SVIL: variants seen among roughly 807,000 people sequenced by gnomAD.
SVIL encodes the protein archvillin.
Under a neutral mutation model 240.4 loss-of-function variants are expected in SVIL, and 101 were observed. The ratio of observed to expected loss-of-function variants is 0.42; its 90% CI spans 0.36 to 0.50. The LOEUF is 0.50. SVIL is among the 20% of genes least tolerant of loss of function. SVIL has a pLI of 0.01. For missense variants in SVIL, 2,512 were observed against 2,818.7 expected (o/e 0.89, Z 2.46); for synonymous variants, 999 against 1,100.0 (o/e 0.91, Z 1.82).
intron 10 of SVIL, 121 bp from the exon 11 acceptor site, chr10:29,530,789 T>A (rs1406709534): frequency 2.9e-6 from 3 of 1,049,108 alleles, no homozygotes; most frequent in Admixed American, 2.0e-5. Flanking sequence ...ACTAAAATAA[T>A]AATTGGTGGT....
intron 36 of SVIL, among the ~76,000 whole-genome samples, chr10:29,459,976 A>G (rs1488865934): frequency 1.3e-5 from 2 of 152,194 alleles, no homozygotes; most frequent in East Asian, 1.9e-4. Context: ...CTGTAGTCCT[A>G]CCTACTTGGG....
intron 1 of SVIL, among the ~76,000 whole-genome samples, chr10:29,587,173 C>A (rs1250612257): frequency 6.6e-6 from 1 of 152,242 alleles, no homozygotes; most frequent in Non-Finnish European, 1.5e-5. Context: ...CCTCCCCCTG[C>A]AAACCTCCTG....
chr10:29,618,598 A>G (rs910758010), intron 1 of SVIL, among the ~76,000 whole-genome samples: 1 of 152,188 alleles, frequency 6.6e-6, no homozygotes, highest in Admixed American at 6.5e-5. Flanking sequence ...TGTGACGACT[A>G]TCTAGTTACA....
Position 29,598,851 on chromosome 10 carries a change from G to A in SVIL, c.-200-29539C>T, listed in dbSNP as rs115432461. ...TGTGTAGATGCTGGACTCTGGTTGA[G>A]GAAAGAGTGAAGCGAGAAAGAAAAG... On this transcript the variant is annotated intron_variant, in intron 1 of 37. Coordinates refer to ENST00000355867, the MANE Select transcript of SVIL (RefSeq NM_021738.3). Among the ~76,000 whole-genome samples, 902 of 151,988 alleles carry A rather than the reference G, an allele frequency of 5.9e-3. 12 individuals carry two copies. Among genetic ancestry groups the A allele is most frequent in the African/African-American group, 0.021 (866 of 41,438 alleles).
At chr10:29,467,059 A>G (rs1026120703) in intron 33 of SVIL, among the ~76,000 whole-genome samples, 3 of 152,158 alleles carry the variant, frequency 2.0e-5, no homozygotes, top group Non-Finnish European at 1.5e-5. Flanking sequence ...CGGAGTTACT[A>G]TATGTAAGGT....
chr10:29,545,082 T>C (rs1258024140), intron 6 of SVIL: 2 of 534,432 alleles, frequency 3.7e-6, no homozygotes, highest in Non-Finnish European at 7.7e-6. Context: ...GCGTGGAAGG[T>C]CAAGCACGAT....
intron 1 of SVIL, among the ~76,000 whole-genome samples, chr10:29,585,660 TAC>T (rs3030552): frequency 1.3e-5 from 2 of 151,474 alleles, no homozygotes; most frequent in African/African-American, 2.4e-5. Flanking sequence ...GTGCTAAAAA[TAC>T]ACACACACAC....
chr10:29,599,099 T>C (rs972257972), intron 1 of SVIL, among the ~76,000 whole-genome samples: 8 of 152,174 alleles, frequency 5.3e-5, no homozygotes, highest in Admixed American at 4.6e-4. Flanking sequence ...CAAGCCAATA[T>C]GTCATTTGGT....
intron 3 of SVIL, among the ~76,000 whole-genome samples, chr10:29,645,522 AT>A (rs1958627235): frequency 6.6e-6 from 1 of 152,158 alleles, no homozygotes; most frequent in Non-Finnish European, 1.5e-5. Flanking sequence ...GTGAGCCGGG[AT>A]TGTGCCACTG....
At chr10:29,710,214 C>T (rs1321266144) in intron 1 of SVIL, among the ~76,000 whole-genome samples, 1 of 152,026 alleles carries the variant, frequency 6.6e-6, no homozygotes, top group South Asian at 2.1e-4. Flanking sequence ...CCACCATGCC[C>T]GGCTACCTTT....
intron 18 of SVIL, 83 bp downstream of exon 18, chr10:29,499,033 G>C: frequency 6.6e-7 from 1 of 1,519,860 alleles, no homozygotes; most frequent in Non-Finnish European, 8.9e-7. Context: ...GAGCTATCAC[G>C]TACCACCATG....
chr10:29,644,579 C>T (rs1032704449), intron 3 of SVIL, among the ~76,000 whole-genome samples: 10 of 152,074 alleles, frequency 6.6e-5, no homozygotes, highest in East Asian at 3.9e-4. Context: ...TTCTATAAAA[C>T]GGAACCACTT....
At chr10:29,588,814 T>G (rs533036006) in intron 1 of SVIL, among the ~76,000 whole-genome samples, 1 of 152,178 alleles carries the variant, frequency 6.6e-6, no homozygotes, top group African/African-American at 2.4e-5. Context: ...CGTAACTGAC[T>G]TCCCCCTCCT....
rs1192720876 is a variant in SVIL, at chr10:29,560,963, C to T, written c.-51+2238G>A. 4.0e-5 allele frequency among the ~76,000 whole-genome samples: 6 copies of T among 151,754 alleles called. No homozygotes were observed. The East Asian group carries it at 9.7e-4, about 25-fold the overall frequency. ...AAGCGATTCTCCTGCCTCAGCCTCC[C>T]GAGTAGCTGGGACTTGCCCAGCTAA... On this transcript the variant is annotated intron_variant, in intron 3 of 37. Coordinates refer to ENST00000355867, the MANE Select transcript of SVIL (RefSeq NM_021738.3).
intron 1 of SVIL, among the ~76,000 whole-genome samples, chr10:29,703,912 C>T (rs1962704715): frequency 6.6e-6 from 1 of 152,166 alleles, no homozygotes; most frequent in Non-Finnish European, 1.5e-5. Context: ...AGTGATCCTC[C>T]AACCCCAGCC....
chr10:29,527,087 T>C (rs1463283714), intron 12 of SVIL, 31 bp from the exon 13 acceptor site: 1 of 1,578,958 alleles, frequency 6.3e-7, no homozygotes, highest in Admixed American at 1.7e-5. Context: ...GAGGAAACAT[T>C]CATAAGGAGA....
intron 1 of SVIL, among the ~76,000 whole-genome samples, chr10:29,618,119 C>T (rs1182604763): frequency 1.3e-5 from 2 of 152,200 alleles, no homozygotes; most frequent in African/African-American, 4.8e-5. Context: ...GAGCACTGTT[C>T]TCCTGGGGAG....
At position 29,458,470 on chromosome 10, in the gene SVIL, C is replaced by A. The variant is rs1165984087; in HGVS notation, c.6522G>T (p.Leu2174=). 2 of 1,581,056 alleles carry A rather than the reference C, an allele frequency of 1.3e-6. No homozygotes were observed. Among genetic ancestry groups the A allele is most frequent in the African/African-American group, 2.7e-5 (2 of 74,036 alleles). ...CGTCGGTGAGATAGATCTCAAGCTTCAGAGGATCGACCCCCTCCGGGAGTG... is the reference window on the plus strand; with the variant it reads ...CGTCGGTGAGATAGATCTCAAGCTTAAGAGGATCGACCCCCTCCGGGAGTG... ...ARPLPEGVDP[L]KLEIYLTDED... is the part of the protein sequence containing the mutation. Residue 2174 remains leucine (L), a synonymous_variant, in exon 37 of 38, where the codon CTG becomes CTT. Coordinates refer to ENST00000355867, the MANE Select transcript of SVIL (RefSeq NM_021738.3).
At chr10:29,524,330 A>G (rs1950752050) in intron 14 of SVIL, 142 bp downstream of exon 14, 3 of 1,335,526 alleles carry the variant, frequency 2.2e-6, no homozygotes, top group Non-Finnish European at 3.0e-6. Flanking sequence ...ATTTTTAGGA[A>G]GAAAGCTATT....
Sources: gnomAD v4.1 joint callset for allele counts (sites outside exome capture counted in the v4.1 genomes callset) on GRCh38, gnomAD v4.1.1 for gene constraint, MANE v1.5 for transcripts, NCBI Gene and HGNC (gene_info 2026-07-23, HGNC 2026-07-21) for gene names.